TMC7: variants seen among roughly 807,000 people sequenced by gnomAD.
The protein encoded by TMC7 is transmembrane channel-like protein 7.
A neutral mutation model predicts 82.9 loss-of-function variants in TMC7; 54 were observed. The observed-to-expected ratio is 0.65, with a 90% confidence interval of 0.52 to 0.82. The LOEUF (loss-of-function observed/expected upper bound fraction) is 0.82, where lower values mean the gene tolerates loss of function less well. Ranked by LOEUF, TMC7 falls within the 40% of genes least tolerant of loss-of-function variation. The pLI, the probability that TMC7 is intolerant of heterozygous loss-of-function variation, is 0.00. For synonymous variants in TMC7, 350 were observed against 337.9 expected, an observed-to-expected ratio of 1.04 and a Z score of -0.39; for missense variants, 820 against 901.2, an observed-to-expected ratio of 0.91 and a Z score of 1.15.
Position 19,047,179 on chromosome 16 carries a change from G to C in TMC7, c.1670G>C (p.Gly557Ala), listed in dbSNP as rs770193813. ...IVYGQTICWIGAFFSPLLPAI... is the reference protein window; with the variant it reads ...IVYGQTICWIAAFFSPLLPAI... ...TACGGGCAAACCATCTGCTGGATCG[G>C]AGCCTTTTTCTCACCCCTTCTCCCT... The change falls in exon 12 of 16, where the codon GGA becomes GCA. Residue 557 changes from glycine (G) to alanine (A), a missense_variant. Transcript: ENST00000304381. 6.2e-7 allele frequency: 1 copy of C among 1,613,952 alleles called. No individual in the cohort carries two copies.
chr16:19,056,756 C>T lies in TMC7; in HGVS notation c.2027+59C>T, dbSNP rs769679237. Reference sequence around the variant, plus strand: ...GTGGGCTCCTCCCATTGGGAAATGGCGGCGGTCGGGGCGGGGTCACCCTAG... The same window carrying T: ...GTGGGCTCCTCCCATTGGGAAATGGTGGCGGTCGGGGCGGGGTCACCCTAG... On this transcript the variant is annotated intron_variant, in intron 14 of 15. Transcript: ENST00000304381. 4.8e-4 allele frequency: 749 copies of T among 1,574,066 alleles called. 2 individuals carry two copies. The highest frequency in any genetic ancestry group is 1.2e-3 in the Middle Eastern group (7 of 5,882).
At chr16:19,042,411 G>T (rs1961054191) in intron 9 of TMC7, among the ~76,000 whole-genome samples, 1 of 151,926 alleles carries the variant, frequency 6.6e-6, no homozygotes, top group African/African-American at 2.4e-5. Flanking sequence ...CTGGGCTCAA[G>T]CAATTCTCCC....
intron 12 of TMC7, among the ~76,000 whole-genome samples, chr16:19,051,216 G>A (rs1383765504): frequency 3.0e-5 from 4 of 133,752 alleles, no homozygotes; most frequent in African/African-American, 1.1e-4. Context: ...TTTTTTTTTT[G>A]GATTTTTTTC....
intron 5 of TMC7, among the ~76,000 whole-genome samples, chr16:19,029,783 T>A (rs568151160): frequency 6.6e-6 from 1 of 150,868 alleles, no homozygotes; most frequent in Admixed American, 6.6e-5. Flanking sequence ...CGGGTTCAAG[T>A]GATTCTCCTG....
intron 13 of TMC7, among the ~76,000 whole-genome samples, chr16:19,053,312 T>TG (rs1272143791): frequency 6.6e-6 from 1 of 151,688 alleles, no homozygotes; most frequent in Non-Finnish European, 1.5e-5. Flanking sequence ...ATATTCTTTT[T>TG]TTTTTCTTTT....
intron 8 of TMC7, among the ~76,000 whole-genome samples, chr16:19,039,271 G>C (rs1413173259): frequency 6.6e-6 from 1 of 151,350 alleles, no homozygotes; most frequent in African/African-American, 2.4e-5. Flanking sequence ...TTGTATTTTT[G>C]GTAGAGACAG....
chr16:19,059,826 A>C, intron 15 of TMC7: 12 of 671,598 alleles, frequency 1.8e-5, no homozygotes, highest in Non-Finnish European at 2.4e-5. Context: ...AAAATACAAA[A>C]AGTAGTTGGG....
At chr16:19,020,004 T>C (rs1959887816) in intron 3 of TMC7, among the ~76,000 whole-genome samples, 1 of 152,186 alleles carries the variant, frequency 6.6e-6, no homozygotes, top group South Asian at 2.1e-4. Flanking sequence ...GAATGCTTTC[T>C]ATCCTCAGCA....
At chr16:19,002,512 C>T (rs943001930) in intron 1 of TMC7, among the ~76,000 whole-genome samples, 3 of 152,188 alleles carry the variant, frequency 2.0e-5, no homozygotes, top group Admixed American at 2.0e-4. Context: ...GCTGGGATTA[C>T]AGGCGTGAGC....
intron 7 of TMC7, 118 bp downstream of exon 7, chr16:19,035,941 A>C: frequency 8.6e-7 from 1 of 1,161,572 alleles, no homozygotes; most frequent in Non-Finnish European, 1.2e-6. Flanking sequence ...CCTGGTACTT[A>C]GCAAGTTACC....
intron 1 of TMC7, among the ~76,000 whole-genome samples, chr16:18,986,178 G>A (rs939659759): frequency 1.4e-4 from 21 of 152,060 alleles, no homozygotes; most frequent in African/African-American, 3.1e-4. Context: ...GGCAGATCAC[G>A]AGGTCAGGAA....
chr16:19,050,911 G>C (rs1961508642), intron 12 of TMC7, among the ~76,000 whole-genome samples: 1 of 151,878 alleles, frequency 6.6e-6, no homozygotes, highest in Non-Finnish European at 1.5e-5. Flanking sequence ...TTTTGAGACA[G>C]GGTCTCTCTC....
chr16:19,056,528 C>G lies in TMC7; in HGVS notation c.1872-14C>G. 6.2e-7 allele frequency: 1 copy of G among 1,611,694 alleles called. No homozygotes were observed. Among genetic ancestry groups the G allele is most frequent in the Non-Finnish European group, 8.5e-7 (1 of 1,178,790 alleles). On this transcript the variant is annotated splice_polypyrimidine_tract_variant and intron_variant, in intron 13 of 15. Transcript: ENST00000304381. Reference sequence around the variant, plus strand: ...GCACGCTCCTTCTGAGCCCGTTGGTCTGTGTCCTGGCAGCATCCCTTCCTC... The same window carrying G: ...GCACGCTCCTTCTGAGCCCGTTGGTGTGTGTCCTGGCAGCATCCCTTCCTC...
At chr16:19,031,644 C>A (rs957387820) in intron 6 of TMC7, among the ~76,000 whole-genome samples, 1 of 152,124 alleles carries the variant, frequency 6.6e-6, no homozygotes, top group African/African-American at 2.4e-5. Context: ...GCACTCCAGC[C>A]TGGGCGACAG....
intron 12 of TMC7, among the ~76,000 whole-genome samples, chr16:19,047,755 C>T (rs1458275868): frequency 1.4e-4 from 19 of 138,750 alleles, no homozygotes; most frequent in Non-Finnish European, 2.6e-4. Context: ...CTCTGTCATC[C>T]AGGCTGGAGT....
At position 19,059,495 on chromosome 16, in the gene TMC7, G is replaced by C. The variant is rs772003234; in HGVS notation, c.2106+1G>C. ...CCAGCTCCGAGAGCAGCTATCCCTGGTAAGGAAGCATAGCTCCAGAGGGTC... is the reference window on the plus strand; with the variant it reads ...CCAGCTCCGAGAGCAGCTATCCCTGCTAAGGAAGCATAGCTCCAGAGGGTC... On this transcript the variant is annotated splice_donor_variant, in intron 15 of 15. Coordinates refer to ENST00000304381, the MANE Select transcript of TMC7 (RefSeq NM_024847.4). LOFTEE classifies it high-confidence loss of function. 1 of 1,614,116 alleles carries C rather than the reference G, an allele frequency of 6.2e-7. No homozygotes were observed. The highest frequency in any genetic ancestry group is 8.5e-7 in the Non-Finnish European group (1 of 1,180,038).
chr16:19,023,702 C>T (rs1308612351), intron 5 of TMC7, among the ~76,000 whole-genome samples: 2 of 152,328 alleles, frequency 1.3e-5, no homozygotes, highest in African/African-American at 2.4e-5. Flanking sequence ...TCTCCTTGGC[C>T]TCCCAAAGTA....
At chr16:19,055,490 T>G (rs1961728480) in intron 13 of TMC7, among the ~76,000 whole-genome samples, 1 of 152,190 alleles carries the variant, frequency 6.6e-6, no homozygotes, top group Non-Finnish European at 1.5e-5. Flanking sequence ...CCCGAGTAGC[T>G]GGGATTGCAG....
rs1398730914 is a variant in TMC7 at position 19,022,545 on chromosome 16, G to A, written c.629-568G>A. ...TTCAGTGCAGTAATGTGCTGTCCAC[G>A]TTTGTAACCTAGGAGCATAGGCCAT... On this transcript the variant is annotated intron_variant, in intron 4 of 15. Coordinates refer to ENST00000304381, the MANE Select transcript of TMC7 (RefSeq NM_024847.4). 2.0e-5 allele frequency among the ~76,000 whole-genome samples: 3 copies of A among 152,148 alleles called. 1 individual carries two copies. Among genetic ancestry groups the A allele is most frequent in the East Asian group, 1.9e-4 (1 of 5,188 alleles).
Sources: gnomAD v4.1 joint callset for allele counts (sites outside exome capture counted in the v4.1 genomes callset) on GRCh38, gnomAD v4.1.1 for gene constraint, MANE v1.5 for transcripts, NCBI Gene and HGNC (gene_info 2026-07-23, HGNC 2026-07-21) for gene names.